Variants in FHOD3 observed in about 807,000 individuals in gnomAD.
FHOD3 encodes the protein formin homology 2 domain containing 3.
In FHOD3, 90 loss-of-function variants were observed where a neutral mutation model predicts 173.0. The observed-to-expected ratio is 0.52, with a 90% CI of 0.44 to 0.62. The LOEUF is 0.62. FHOD3 is among the 20% of genes least tolerant of loss of function. FHOD3 has a pLI of 0.00. For synonymous variants in FHOD3, 828 were observed against 823.0 expected (o/e 1.01, Z -0.10); for missense variants, 1,945 against 2,034.7 (o/e 0.96, Z 0.85).
At chr18:36,625,771 G>C (rs1196281171) in intron 10 of FHOD3, 22 bp downstream of exon 10, 1 of 1,574,150 alleles carries the variant, frequency 6.4e-7, no homozygotes, top group African/African-American at 1.4e-5. Context: ...CTTGGCAGTG[G>C]AGAGGGGTGC....
chr18:36,463,049 C>T (rs2144786425), intron 3 of FHOD3, among the ~76,000 whole-genome samples: 1 of 152,152 alleles, frequency 6.6e-6, no homozygotes, highest in African/African-American at 2.4e-5. Context: ...ATAGTAATGT[C>T]TCCAGTTGTA....
At chr18:36,737,951 G>A (rs1204846330) in intron 20 of FHOD3, among the ~76,000 whole-genome samples, 1 of 152,200 alleles carries the variant, frequency 6.6e-6, no homozygotes, top group Non-Finnish European at 1.5e-5. Context: ...ATTTAAAACA[G>A]TCCCATCTTC....
At chr18:36,707,038 G>A (rs2039921485) in intron 17 of FHOD3, among the ~76,000 whole-genome samples, 1 of 152,092 alleles carries the variant, frequency 6.6e-6, no homozygotes, top group South Asian at 2.1e-4. Context: ...AGTACCAAAG[G>A]GAATGTTTCT....
chr18:36,585,101 C>T (rs1745801765), intron 6 of FHOD3, among the ~76,000 whole-genome samples: 1 of 152,102 alleles, frequency 6.6e-6, no homozygotes, highest in Non-Finnish European at 1.5e-5. Flanking sequence ...TATGAATGTA[C>T]TATTATTCAT....
At chr18:36,365,189 G>A (rs931756827) in intron 2 of FHOD3, among the ~76,000 whole-genome samples, 5 of 152,224 alleles carry the variant, frequency 3.3e-5, no homozygotes, top group African/African-American at 1.2e-4. Context: ...GGGTTAGGCA[G>A]TCATGGTTCT....
At chr18:36,723,235 C>A (rs1261638599) in intron 19 of FHOD3, among the ~76,000 whole-genome samples, 2 of 152,182 alleles carry the variant, frequency 1.3e-5, no homozygotes, top group Admixed American at 6.5e-5. Flanking sequence ...ACCCAAAGGG[C>A]AAATATGAGA....
At chr18:36,342,235 G>C (rs1401632553) in intron 1 of FHOD3, among the ~76,000 whole-genome samples, 1 of 152,056 alleles carries the variant, frequency 6.6e-6, no homozygotes, top group Non-Finnish European at 1.5e-5. Context: ...TATGAGTCAT[G>C]GGTCTAAAAT....
Position 36,658,180 on chromosome 18 carries a change from G to T in FHOD3, c.1827G>T (p.Arg609Ser). The T allele has an allele frequency of 6.3e-7, 1 of 1,583,288 alleles. No homozygotes were observed. Reference protein sequence around the residue: ...TSSVSPPQEARLERSSPSGLL... With the variant: ...TSSVSPPQEASLERSSPSGLL... Reference sequence around the variant, plus strand: ...CCGTCTCACCCCCACAGGAGGCCAGGTTGGAAAGGTGAGTTCGACAAGCAC... The same window carrying T: ...CCGTCTCACCCCCACAGGAGGCCAGTTTGGAAAGGTGAGTTCGACAAGCAC... The change falls in exon 14 of 29, where the codon AGG becomes AGT. Residue 609 changes from arginine (R) to serine (S), a missense_variant. Coordinates refer to ENST00000590592, the MANE Select transcript of FHOD3 (RefSeq NM_001281740.3).
chr18:36,747,396 G>A (rs915774662), intron 24 of FHOD3, among the ~76,000 whole-genome samples: 5 of 152,196 alleles, frequency 3.3e-5, no homozygotes, highest in African/African-American at 4.8e-5. Flanking sequence ...CAGGAACTGC[G>A]TCTGTAAGAT....
chr18:36,354,417 A>G (rs756217555), intron 1 of FHOD3, among the ~76,000 whole-genome samples: 9 of 152,148 alleles, frequency 5.9e-5, no homozygotes, highest in Non-Finnish European at 1.3e-4. Flanking sequence ...GACTCATTTT[A>G]CAGAGTTTGT....
intron 9 of FHOD3, among the ~76,000 whole-genome samples, chr18:36,618,552 T>G (rs1188145778): frequency 6.6e-6 from 1 of 152,110 alleles, no homozygotes; most frequent in Non-Finnish European, 1.5e-5. Context: ...CCTCAGGTGA[T>G]CCACCCTCCT....
chr18:36,405,592 T>C (rs965868791), intron 3 of FHOD3, among the ~76,000 whole-genome samples: 1 of 152,038 alleles, frequency 6.6e-6, no homozygotes, highest in African/African-American at 2.4e-5. Context: ...AAAATACAGG[T>C]GGAAATAGGA....
Position 36,521,588 on chromosome 18 carries a change from A to G in FHOD3, c.511+9045A>G, listed in dbSNP as rs1432116813. The stretch of plus-strand genomic sequence containing the variant: ...CTTTCAAGTCCTTCCATCTCTGTCT[A>G]TACCCAGTTTTTGAGTTCAGATCAT... On this transcript the variant is annotated intron_variant, in intron 5 of 28. Transcript: ENST00000590592. Among the ~76,000 whole-genome samples, 4 of 152,044 alleles carry G rather than the reference A, an allele frequency of 2.6e-5. No homozygotes were observed. In the East Asian group the frequency reaches 7.7e-4, roughly 29 times the overall value.
intron 3 of FHOD3, among the ~76,000 whole-genome samples, chr18:36,401,815 G>A (rs756907947): frequency 4.6e-5 from 7 of 152,260 alleles, no homozygotes; most frequent in African/African-American, 7.2e-5. Flanking sequence ...CAGAGTGGCC[G>A]TCATTACTGG....
rs1383507921 is a variant in FHOD3, at chr18:36,297,935, C to T, written c.100C>T (p.Arg34Cys). Reference sequence around the variant, plus strand: ...CAGCCGGCCGCCGCTGTTCACGTTCCGCGAGGACCTCGCGCTCGGCACCCA... The same window carrying T: ...CAGCCGGCCGCCGCTGTTCACGTTCTGCGAGGACCTCGCGCTCGGCACCCA... Reference protein sequence around the residue: ...EPSRPPLFTFREDLALGTQLA... With the variant: ...EPSRPPLFTFCEDLALGTQLA... The change falls in exon 1 of 29, where the codon CGC becomes TGC. Residue 34 changes from arginine (R) to cysteine (C), a missense_variant. By Grantham distance (180) the Arg-to-Cys change is radical. Transcript: ENST00000590592. 3.8e-6 allele frequency: 6 copies of T among 1,566,060 alleles called. No individual in the cohort carries two copies. The highest frequency in any genetic ancestry group is 5.2e-6 in the Non-Finnish European group (6 of 1,156,948).
chr18:36,677,061 A>G (rs1452792387), intron 14 of FHOD3, among the ~76,000 whole-genome samples: 1 of 151,984 alleles, frequency 6.6e-6, no homozygotes, highest in Non-Finnish European at 1.5e-5. Flanking sequence ...AAAAACTTCC[A>G]TATCTTGAGA....
chr18:36,454,038 A>AT (rs1191565817), intron 3 of FHOD3, among the ~76,000 whole-genome samples: 1 of 152,130 alleles, frequency 6.6e-6, no homozygotes, highest in Non-Finnish European at 1.5e-5. Context: ...TCTTTCTTTT[A>AT]TTTTATTCTT....
At chr18:36,777,018 G>A (rs2043708453) in intron 28 of FHOD3, among the ~76,000 whole-genome samples, 1 of 152,118 alleles carries the variant, frequency 6.6e-6, no homozygotes, top group Non-Finnish European at 1.5e-5. Flanking sequence ...AAACAGAATT[G>A]TTAAGCATCT....
chr18:36,467,572 C>T (rs778415948), intron 3 of FHOD3, among the ~76,000 whole-genome samples: 6 of 152,124 alleles, frequency 3.9e-5, no homozygotes, highest in African/African-American at 7.2e-5. Context: ...AAGGGCAAAT[C>T]CCTTGACTGC....
Sources: gnomAD v4.1 joint callset for allele counts (sites outside exome capture counted in the v4.1 genomes callset) on GRCh38, gnomAD v4.1.1 for gene constraint, MANE v1.5 for transcripts, NCBI Gene and HGNC (gene_info 2026-07-23, HGNC 2026-07-21) for gene names.